The following SLC8A1 variants were observed in gnomAD, a reference collection of about 807,000 sequenced individuals.
SLC8A1 encodes sodium/calcium exchanger 1.
Under a neutral mutation model 68.3 loss-of-function variants are expected in SLC8A1, and 18 were observed. The observed-to-expected ratio is 0.26, with a 90% CI of 0.18 to 0.39. The LOEUF is 0.39. Ranked by LOEUF, SLC8A1 falls within the 10% of genes least tolerant of loss-of-function variation. The pLI, the probability that SLC8A1 is intolerant of heterozygous loss-of-function variation, is 1.00. For missense variants in SLC8A1, 985 were observed against 1,156.7 expected (o/e 0.85, Z 2.15); for synonymous variants, 475 against 415.5 (o/e 1.14, Z -1.74).
chr2:40,292,622 A>T (rs763328409), intron 2 of SLC8A1, among the ~76,000 whole-genome samples: 16 of 152,324 alleles, frequency 1.1e-4, no homozygotes, highest in Non-Finnish European at 2.4e-4. Context: ...GTGCACCCAC[A>T]GGAGTGACTG....
At chr2:40,124,429 C>T (rs116431020) in intron 7 of SLC8A1, among the ~76,000 whole-genome samples, 1,634 of 152,294 alleles carry the variant, frequency 0.011, 32 homozygotes, top group African/African-American at 0.037. Context: ...CTGCATGCAA[C>T]CTCAATCCAG....
chr2:40,340,733 G>T (rs368503137), intron 2 of SLC8A1, among the ~76,000 whole-genome samples: 17 of 152,256 alleles, frequency 1.1e-4, no homozygotes, highest in African/African-American at 3.6e-4. Flanking sequence ...TGGCCTGGGC[G>T]AATCTGTTTC....
intron 1 of SLC8A1, among the ~76,000 whole-genome samples, chr2:40,511,339 A>AT (rs1319777162): frequency 6.6e-6 from 1 of 152,046 alleles, no homozygotes; most frequent in African/African-American, 2.4e-5. Context: ...ATGACCTATA[A>AT]TTTTTTCTCT....
At chr2:40,332,578 G>A (rs917439527) in intron 2 of SLC8A1, among the ~76,000 whole-genome samples, 2 of 152,124 alleles carry the variant, frequency 1.3e-5, no homozygotes, top group African/African-American at 4.8e-5. Flanking sequence ...AAAAAAGGCT[G>A]GTGAGCCAAA....
chr2:40,447,511 T>C (rs1440203509), intron 1 of SLC8A1, among the ~76,000 whole-genome samples: 1 of 151,644 alleles, frequency 6.6e-6, no homozygotes, highest in Non-Finnish European at 1.5e-5. Context: ...TAAACCTCTT[T>C]CACATTCTCT....
chr2:40,194,019 G>C (rs2052427456), intron 2 of SLC8A1, among the ~76,000 whole-genome samples: 1 of 152,138 alleles, frequency 6.6e-6, no homozygotes, highest in South Asian at 2.1e-4. Context: ...TGCTTTCTCT[G>C]AGTTCCTCTG....
chr2:40,158,464 C>A (rs2045017705), intron 6 of SLC8A1, among the ~76,000 whole-genome samples: 1 of 152,114 alleles, frequency 6.6e-6, no homozygotes, highest in Non-Finnish European at 1.5e-5. Flanking sequence ...AGCAATTGTG[C>A]CTTATTTCCA....
At chr2:40,397,640 A>T (rs1687406789) in intron 2 of SLC8A1, among the ~76,000 whole-genome samples, 1 of 152,174 alleles carries the variant, frequency 6.6e-6, no homozygotes, top group Non-Finnish European at 1.5e-5. Flanking sequence ...AGAACCACAT[A>T]TGTATAGTTT....
chr2:40,233,370 G>C (rs1262167726), intron 2 of SLC8A1, among the ~76,000 whole-genome samples: 1 of 151,746 alleles, frequency 6.6e-6, no homozygotes, highest in Non-Finnish European at 1.5e-5. Flanking sequence ...TTTTTCATGT[G>C]TTTTTTGGCT....
At chr2:40,415,425 G>GGA (rs1265134758) in intron 2 of SLC8A1, among the ~76,000 whole-genome samples, 2 of 141,890 alleles carry the variant, frequency 1.4e-5, no homozygotes, top group African/African-American at 5.2e-5. Context: ...TAATCCATAT[G>GGA]GAAAAAAAAA....
At chr2:40,331,615 A>G (rs934538689) in intron 2 of SLC8A1, among the ~76,000 whole-genome samples, 8 of 151,376 alleles carry the variant, frequency 5.3e-5, no homozygotes, top group African/African-American at 1.9e-4. Context: ...TTTTTTTGAG[A>G]CGGAGTCTCG....
At chr2:40,426,971 T>A (rs1697032376) in intron 2 of SLC8A1, among the ~76,000 whole-genome samples, 1 of 152,022 alleles carries the variant, frequency 6.6e-6, no homozygotes, top group Non-Finnish European at 1.5e-5. Flanking sequence ...TTCTTGGATA[T>A]GAAGGATATT....
chr2:40,270,318 A>T (rs13021772), intron 2 of SLC8A1, among the ~76,000 whole-genome samples: 31,456 of 152,198 alleles, frequency 0.21, 3,616 homozygotes, highest in Admixed American at 0.32. Context: ...CTGCTGTAAC[A>T]AATTTTCACA....
At chr2:40,500,503 TA>T (rs1339192061) in intron 1 of SLC8A1, among the ~76,000 whole-genome samples, 1 of 152,098 alleles carries the variant, frequency 6.6e-6, no homozygotes, top group Non-Finnish European at 1.5e-5. Flanking sequence ...TGTTCATTCA[TA>T]AAGTTATTTT....
intron 2 of SLC8A1, among the ~76,000 whole-genome samples, chr2:40,189,044 A>G (rs965642867): frequency 2.6e-5 from 4 of 152,302 alleles, no homozygotes; most frequent in Admixed American, 1.3e-4. Context: ...CTAATTTACT[A>G]ATATCAAGGG....
intron 1 of SLC8A1, among the ~76,000 whole-genome samples, chr2:40,435,976 C>T (rs1699335828): frequency 6.8e-6 from 1 of 146,236 alleles, no homozygotes; most frequent in African/African-American, 2.5e-5. Flanking sequence ...TTAGTAGAGA[C>T]AGGGTTTCAC....
chr2:40,430,866 C>T (rs997169800), intron 1 of SLC8A1, among the ~76,000 whole-genome samples: 1 of 152,132 alleles, frequency 6.6e-6, no homozygotes, highest in Non-Finnish European at 1.5e-5. Flanking sequence ...CAGAGAGCAT[C>T]TTACACTGTA....
chr2:40,255,606 C>CTTAT (rs373367276), intron 2 of SLC8A1, among the ~76,000 whole-genome samples: 14 of 152,178 alleles, frequency 9.2e-5, no homozygotes, highest in African/African-American at 3.4e-4. Flanking sequence ...GTTTATTTTT[C>CTTAT]TTATTTGTAT....
At position 40,174,858 on chromosome 2, in the gene SLC8A1, A is replaced by G; in HGVS notation, c.1913-16T>C. The G allele has an allele frequency of 6.2e-7, 1 of 1,606,096 alleles. No homozygotes were observed. The highest frequency in any genetic ancestry group is 8.5e-7 in the Non-Finnish European group (1 of 1,173,114). ...GTGAAGCCACCTAAAAAAGAAAAAA[A>G]CAACAACAAATGTTATAATTTGACA... On this transcript the variant is annotated splice_polypyrimidine_tract_variant and intron_variant, in intron 3 of 7. Coordinates refer to ENST00000406785, the Ensembl canonical transcript of SLC8A1.
Sources: gnomAD v4.1 joint callset for allele counts (sites outside exome capture counted in the v4.1 genomes callset) on GRCh38, gnomAD v4.1.1 for gene constraint, MANE v1.5 for transcripts, NCBI Gene and HGNC (gene_info 2026-07-23, HGNC 2026-07-21) for gene names.